FAM227B: variants seen among roughly 807,000 people sequenced by gnomAD.
FAM227B encodes the protein family with sequence similarity 227 member B.
In FAM227B, 88 loss-of-function variants were observed where a neutral mutation model predicts 73.8. The observed-to-expected ratio is 1.19, with a 90% CI of 1.00 to 1.42. The LOEUF is 1.42. FAM227B is among the 40% of genes most tolerant of loss of function. The pLI, the probability that FAM227B is intolerant of heterozygous loss-of-function variation, is 0.00. For missense variants in FAM227B, 632 were observed against 590.9 expected (o/e 1.07, Z -0.72); for synonymous variants, 210 against 190.5 (o/e 1.10, Z -0.84).
intron 11 of FAM227B, among the ~76,000 whole-genome samples, chr15:49,396,936 G>C (rs1282265158): frequency 1.3e-5 from 2 of 152,200 alleles, no homozygotes; most frequent in South Asian, 2.1e-4. Flanking sequence ...AAAAAGCAGA[G>C]CGCCTCTCCT....
intron 10 of FAM227B, among the ~76,000 whole-genome samples, chr15:49,529,917 T>C (rs1306352554): frequency 6.6e-6 from 1 of 151,752 alleles, no homozygotes; most frequent in African/African-American, 2.4e-5. Context: ...TAGAGACTTA[T>C]CCAAGTCATT....
At chr15:49,585,745 T>C (rs962866079) in intron 5 of FAM227B, among the ~76,000 whole-genome samples, 1 of 152,108 alleles carries the variant, frequency 6.6e-6, no homozygotes, top group African/African-American at 2.4e-5. Flanking sequence ...TAATGCTAAA[T>C]GACGAGTTAA....
chr15:49,553,099 T>C (rs11070706), intron 9 of FAM227B, among the ~76,000 whole-genome samples: 38,092 of 152,132 alleles, frequency 0.25, 5,739 homozygotes, highest in Non-Finnish European at 0.35. Flanking sequence ...TTTATAGCTG[T>C]TCTACTTGGG....
chr15:49,525,466 ATG>A (rs2060096197), intron 10 of FAM227B, among the ~76,000 whole-genome samples: 3 of 152,018 alleles, frequency 2.0e-5, no homozygotes, highest in Admixed American at 1.3e-4. Flanking sequence ...AATCTTGGAT[ATG>A]TCTTTATTGG....
At chr15:49,482,099 ACTTTT>A (rs1329910769) in intron 11 of FAM227B, among the ~76,000 whole-genome samples, 1 of 152,158 alleles carries the variant, frequency 6.6e-6, no homozygotes, top group African/African-American at 2.4e-5. Context: ...TGACACTTTG[ACTTTT>A]CTTTGCACTG....
Position 49,534,316 on chromosome 15 carries a change from G to A in FAM227B, c.874+7364C>T, listed in dbSNP as rs187084328. On this transcript the variant is annotated intron_variant, in intron 10 of 15. Transcript: ENST00000299338. ...ATAAGGTTCCACATGAATTTGGCAA[G>A]AACACTCATATGATAGCAAAACAAA... Among the ~76,000 whole-genome samples the A allele has an allele frequency of 5.7e-4, 87 of 151,862 alleles. 1 individual carries two copies. The highest frequency in any genetic ancestry group is 4.9e-3 in the Admixed American group (74 of 15,214).
intron 11 of FAM227B, chr15:49,396,039 T>C (rs917284735): frequency 2.2e-6 from 1 of 453,574 alleles, no homozygotes; most frequent in African/African-American, 2.0e-5. Context: ...GCTCCCAGCG[T>C]GAGCGACGCA....
intron 2 of FAM227B, among the ~76,000 whole-genome samples, chr15:49,613,425 C>A (rs996066838): frequency 6.6e-6 from 1 of 152,042 alleles, no homozygotes; most frequent in South Asian, 2.1e-4. Context: ...CGCTTGAACC[C>A]CAGAGGCGGA....
chr15:49,542,803 T>A (rs1458243364), intron 9 of FAM227B, among the ~76,000 whole-genome samples: 2 of 151,650 alleles, frequency 1.3e-5, no homozygotes, highest in Non-Finnish European at 2.9e-5. Context: ...TGGTTTCTTA[T>A]ATAGGTAAAT....
At chr15:49,353,693 CAGAGTATTTT>C (rs1357999377) in intron 13 of FAM227B, 2 of 151,404 alleles carry the variant, frequency 1.3e-5, no homozygotes, top group East Asian at 3.9e-4. Context: ...TCACTTCGCC[CAGAGTATTTT>C]AGAAGGACTG....
intron 11 of FAM227B, among the ~76,000 whole-genome samples, chr15:49,501,887 A>G (rs2058167867): frequency 1.3e-5 from 2 of 152,214 alleles, no homozygotes; most frequent in African/African-American, 4.8e-5. Context: ...GTCTTGGGCC[A>G]CTGCTCTGTG....
chr15:49,357,856 A>G (rs369622549), intron 13 of FAM227B, among the ~76,000 whole-genome samples: 1 of 151,996 alleles, frequency 6.6e-6, no homozygotes, highest in African/African-American at 2.4e-5. Flanking sequence ...CTGGCAAAAC[A>G]AATCCAGCAG....
At chr15:49,426,756 A>T (rs1156637685) in intron 11 of FAM227B, among the ~76,000 whole-genome samples, 4 of 151,976 alleles carry the variant, frequency 2.6e-5, no homozygotes, top group African/African-American at 9.7e-5. Context: ...TATTGTTATA[A>T]ATTAGAATGT....
intron 11 of FAM227B, among the ~76,000 whole-genome samples, chr15:49,460,497 T>C (rs7178101): frequency 0.69 from 104,472 of 152,086 alleles, 36,247 homozygotes; most frequent in East Asian, 0.92. Context: ...ACCAGGATTC[T>C]TTTTGAAGGA....
chr15:49,394,318 T>C (rs2047420004), intron 11 of FAM227B, among the ~76,000 whole-genome samples: 1 of 152,098 alleles, frequency 6.6e-6, no homozygotes. Context: ...GTGCTGGTAA[T>C]TGGGTAGATG....
intron 10 of FAM227B, among the ~76,000 whole-genome samples, chr15:49,517,659 CA>C (rs2059468255): frequency 6.6e-6 from 1 of 152,076 alleles, no homozygotes; most frequent in South Asian, 2.1e-4. Flanking sequence ...CCTTTGTTTT[CA>C]ACTTAACTTT....
intron 11 of FAM227B, among the ~76,000 whole-genome samples, chr15:49,374,101 C>T (rs532305503): frequency 6.6e-6 from 1 of 152,204 alleles, no homozygotes; most frequent in Admixed American, 6.5e-5. Flanking sequence ...ACCAACCACA[C>T]CAGATAAAAG....
At chr15:49,465,308 T>C (rs1293443835) in intron 11 of FAM227B, among the ~76,000 whole-genome samples, 1 of 150,892 alleles carries the variant, frequency 6.6e-6, no homozygotes, top group Non-Finnish European at 1.5e-5. Context: ...CTTTTTCTTT[T>C]TTTTTTTTTT....
At chr15:49,330,239 G>T (rs1411585505) in intron 15 of FAM227B, 1 of 152,164 alleles carries the variant, frequency 6.6e-6, no homozygotes, top group Non-Finnish European at 1.5e-5. Context: ...GCTTTGCTTT[G>T]GTATGTAGTG....
Sources: allele counts gnomAD v4.1 joint callset (sites outside exome capture counted in the v4.1 genomes callset), GRCh38; gene constraint gnomAD v4.1.1; transcripts MANE v1.5; gene names NCBI Gene and HGNC (gene_info 2026-07-23, HGNC 2026-07-21).